NOVA1: variants seen among roughly 807,000 people sequenced by gnomAD.
The protein encoded by NOVA1 is RNA-binding protein Nova-1.
In NOVA1, 7 loss-of-function variants were observed where a neutral mutation model predicts 38.0. That is an observed-to-expected ratio of 0.18 (90% CI 0.10 to 0.35). The LOEUF is 0.35. Ranked by LOEUF, NOVA1 falls within the 10% of genes least tolerant of loss-of-function variation. NOVA1 has a pLI of 1.00. For synonymous variants in NOVA1, 270 were observed against 232.5 expected (o/e 1.16, Z -1.47); for missense variants, 460 against 616.0 (o/e 0.75, Z 2.68).
At chr14:26,487,710 A>T (rs1886028451) in intron 2 of NOVA1, among the ~76,000 whole-genome samples, 1 of 152,184 alleles carries the variant, frequency 6.6e-6, no homozygotes, top group Non-Finnish European at 1.5e-5. Context: ...GATTGTGGAA[A>T]AATTATTTTC....
intron 2 of NOVA1, among the ~76,000 whole-genome samples, chr14:26,526,313 A>C (rs2138527236): frequency 6.6e-6 from 1 of 152,298 alleles, no homozygotes; most frequent in South Asian, 2.1e-4. Flanking sequence ...GAATTCCAAA[A>C]GTCTTACAAA....
At chr14:26,516,372 AT>A (rs1481382995) in intron 2 of NOVA1, among the ~76,000 whole-genome samples, 1 of 152,024 alleles carries the variant, frequency 6.6e-6, no homozygotes, top group Non-Finnish European at 1.5e-5. Context: ...ATGTGGCCCA[AT>A]TTATTGTTTT....
intron 3 of NOVA1, among the ~76,000 whole-genome samples, chr14:26,476,074 T>C (rs1034872239): frequency 6.6e-6 from 1 of 152,204 alleles, no homozygotes; most frequent in Non-Finnish European, 1.5e-5. Context: ...GTTAAATAAA[T>C]CTGTGTACTG....
Position 26,447,712 on chromosome 14 carries a change from A to G in NOVA1, c.*247T>C, listed in dbSNP as rs1369181399. The G allele has an allele frequency of 7.7e-6, 4 of 516,770 alleles. No homozygotes were observed. The highest frequency in any genetic ancestry group is 1.9e-5 in the African/African-American group (1 of 52,680). The allele number at this position is 516,770 out of a possible 1,614,324, so 32.0% of individuals were successfully genotyped here. ...AAATGGCAGGCTTAAATCTTACACT[A>G]GAAACACCTCTGACAAATATACACA... On this transcript the variant is annotated 3_prime_UTR_variant, in exon 5 of 5. Transcript: ENST00000539517.
At chr14:26,507,552 A>AT (rs1409075016) in intron 2 of NOVA1, among the ~76,000 whole-genome samples, 1 of 152,086 alleles carries the variant, frequency 6.6e-6, no homozygotes, top group Non-Finnish European at 1.5e-5. Flanking sequence ...ATATTTCATT[A>AT]TTTTTATTGT....
rs1168933532 is a variant in NOVA1, at chr14:26,514,311, G to GTACC, written c.281-34172_281-34169dup. On this transcript the variant is annotated intron_variant, in intron 2 of 4. Coordinates refer to ENST00000539517, the MANE Select transcript of NOVA1 (RefSeq NM_002515.3). ...TATTAAATGTATCTACCATCCATGT[G>GTACC]TACCTCCTATCCTTGAGGAAAAACT... Among the ~76,000 whole-genome samples the GTACC allele has an allele frequency of 4.6e-5, 7 of 151,688 alleles. No individual in the cohort carries two copies. In the East Asian group the frequency reaches 1.4e-3, roughly 29 times the overall value.
chr14:26,510,550 G>T (rs1458590213), intron 2 of NOVA1, among the ~76,000 whole-genome samples: 1 of 152,146 alleles, frequency 6.6e-6, no homozygotes, highest in African/African-American at 2.4e-5. Flanking sequence ...TTTGTAGAGA[G>T]AAAATGAGAA....
At chr14:26,566,395 T>C (rs917277305) in intron 2 of NOVA1, among the ~76,000 whole-genome samples, 1 of 152,124 alleles carries the variant, frequency 6.6e-6, no homozygotes, top group South Asian at 2.1e-4. Flanking sequence ...TGATTGTAAG[T>C]GAGTACCTTG....
At chr14:26,504,591 A>G (rs1204880667) in intron 2 of NOVA1, among the ~76,000 whole-genome samples, 1 of 152,110 alleles carries the variant, frequency 6.6e-6, no homozygotes, top group Non-Finnish European at 1.5e-5. Flanking sequence ...TGATCTAGAG[A>G]ACACCTATAT....
chr14:26,486,808 G>T (rs178206), intron 2 of NOVA1, among the ~76,000 whole-genome samples: 94,954 of 149,124 alleles, frequency 0.64, 32,529 homozygotes, highest in Non-Finnish European at 0.75. Context: ...AATCATTTTT[G>T]ATTTCATTTT....
At chr14:26,584,009 A>G (rs2138780588) in intron 2 of NOVA1, among the ~76,000 whole-genome samples, 1 of 151,608 alleles carries the variant, frequency 6.6e-6, no homozygotes, top group South Asian at 2.1e-4. Flanking sequence ...CTACATATTG[A>G]ATGAATTTAA....
chr14:26,482,508 G>T (rs1885551790), intron 2 of NOVA1, among the ~76,000 whole-genome samples: 2 of 152,068 alleles, frequency 1.3e-5, no homozygotes, highest in Admixed American at 1.3e-4. Context: ...AATCATAAAA[G>T]TTGCTGGTTT....
At chr14:26,487,975 C>CA (rs1566470019) in intron 2 of NOVA1, among the ~76,000 whole-genome samples, 1 of 152,080 alleles carries the variant, frequency 6.6e-6, no homozygotes, top group East Asian at 1.9e-4. Flanking sequence ...TACCACTGTA[C>CA]AGTTACGCAC....
intron 2 of NOVA1, among the ~76,000 whole-genome samples, chr14:26,498,415 CTGAG>C (rs1390098551): frequency 6.6e-6 from 1 of 152,048 alleles, no homozygotes; most frequent in Non-Finnish European, 1.5e-5. Flanking sequence ...TAATTATTTA[CTGAG>C]TATTAATCCT....
intron 1 of NOVA1, chr14:26,596,958 C>G (rs769213344): frequency 5.8e-6 from 7 of 1,212,438 alleles, no homozygotes; most frequent in South Asian, 3.9e-5. Context: ...ACTCCGGGGT[C>G]ATCCTCCTCC....
At chr14:26,525,636 T>C (rs1889241199) in intron 2 of NOVA1, among the ~76,000 whole-genome samples, 1 of 152,090 alleles carries the variant, frequency 6.6e-6, no homozygotes, top group Admixed American at 6.5e-5. Flanking sequence ...GGGGCTTCCA[T>C]TTTAGTAATT....
chr14:26,464,568 C>A (rs535218918), intron 4 of NOVA1, among the ~76,000 whole-genome samples: 2 of 152,194 alleles, frequency 1.3e-5, no homozygotes, highest in South Asian at 4.1e-4. Context: ...TCTATTTGTA[C>A]GCCACTTTTA....
At chr14:26,559,649 A>G (rs1210085016) in intron 2 of NOVA1, among the ~76,000 whole-genome samples, 1 of 152,200 alleles carries the variant, frequency 6.6e-6, no homozygotes, top group East Asian at 1.9e-4. Flanking sequence ...GAAAAAACAA[A>G]TATTGCATGT....
chr14:26,496,553 C>T (rs1240863788), intron 2 of NOVA1, among the ~76,000 whole-genome samples: 2 of 152,064 alleles, frequency 1.3e-5, no homozygotes, highest in Non-Finnish European at 2.9e-5. Flanking sequence ...GTGTTTTAGA[C>T]ATGAAGTCCT....
Sources: allele counts gnomAD v4.1 joint callset (sites outside exome capture counted in the v4.1 genomes callset), GRCh38; gene constraint gnomAD v4.1.1; transcripts MANE v1.5; gene names NCBI Gene and HGNC (gene_info 2026-07-23, HGNC 2026-07-21).